Variants in NRG3 observed in about 807,000 individuals in gnomAD.
The protein encoded by NRG3 is neuregulin 3.
A neutral mutation model predicts 66.9 loss-of-function variants in NRG3; 31 were observed. The ratio of observed to expected loss-of-function variants is 0.46; its 90% confidence interval spans 0.35 to 0.63. NRG3 has a LOEUF of 0.63. Ranked by LOEUF, NRG3 falls within the 20% of genes least tolerant of loss-of-function variation. NRG3 has a pLI of 0.00. For missense variants in NRG3, 910 were observed against 878.9 expected (o/e 1.04, Z -0.45); for synonymous variants, 393 against 359.4 (o/e 1.09, Z -1.06).
chr10:82,927,698 A>G (rs1847148207), intron 4 of NRG3, among the ~76,000 whole-genome samples: 1 of 152,338 alleles, frequency 6.6e-6, no homozygotes, highest in African/African-American at 2.4e-5. Context: ...GCTGCATAGT[A>G]TTCCACAGTG....
At chr10:82,701,079 T>G (rs2055837634) in intron 2 of NRG3, among the ~76,000 whole-genome samples, 1 of 151,934 alleles carries the variant, frequency 6.6e-6, no homozygotes, top group Admixed American at 6.6e-5. Flanking sequence ...TGAAGATATT[T>G]TATAAAGTCT....
At chr10:82,664,842 A>T (rs17100447) in intron 2 of NRG3, among the ~76,000 whole-genome samples, 9,702 of 152,164 alleles carry the variant, frequency 0.064, 1,000 homozygotes, top group African/African-American at 0.22. Context: ...GAGGCCAGAA[A>T]TCAGTGACAA....
intron 1 of NRG3, among the ~76,000 whole-genome samples, chr10:82,344,206 C>A (rs999214900): frequency 6.7e-6 from 1 of 148,910 alleles, no homozygotes; most frequent in East Asian, 2.0e-4. Context: ...AATGCTATCC[C>A]TCCCCGCTCC....
intron 1 of NRG3, among the ~76,000 whole-genome samples, chr10:82,149,050 T>TTTTTTG (rs201152922): frequency 8.6e-6 from 1 of 115,886 alleles, no homozygotes; most frequent in African/African-American, 3.6e-5. Flanking sequence ...ACATTCCTGT[T>TTTTTTG]TTTTTGTTTT....
chr10:82,642,316 T>G (rs2050638499), intron 2 of NRG3, among the ~76,000 whole-genome samples: 1 of 151,962 alleles, frequency 6.6e-6, no homozygotes, highest in Non-Finnish European at 1.5e-5. Context: ...GAGAAAGAAC[T>G]GTCAGAATTA....
chr10:82,807,426 G>A (rs1274273676), intron 3 of NRG3, among the ~76,000 whole-genome samples: 6 of 152,106 alleles, frequency 3.9e-5, no homozygotes, highest in Admixed American at 6.5e-5. Flanking sequence ...ACCTTGCAAC[G>A]GGGTGTGTGG....
intron 1 of NRG3, among the ~76,000 whole-genome samples, chr10:82,333,546 T>G (rs1444694784): frequency 2.6e-5 from 4 of 152,202 alleles, no homozygotes; most frequent in Non-Finnish European, 5.9e-5. Flanking sequence ...TCTATAGACA[T>G]TTTTCCTTGT....
In NRG3 at chr10:82,715,243, A is replaced by G. The variant is rs1201674397; in HGVS notation, c.954-23334A>G. ...AACCCCATCGCTACCAAAAAATACA[A>G]AACAATTAGCCAGCTGTGATGGCAC... On this transcript the variant is annotated intron_variant, in intron 2 of 8. Coordinates refer to ENST00000372141, the MANE Select transcript of NRG3 (RefSeq NM_001010848.4). Among the ~76,000 whole-genome samples, 3 of 152,140 alleles carry G rather than the reference A, an allele frequency of 2.0e-5. No homozygotes were observed. In the East Asian group the frequency reaches 5.8e-4, roughly 29 times the overall value.
chr10:81,883,713 A>G (rs1842379234), intron 1 of NRG3, among the ~76,000 whole-genome samples: 1 of 152,176 alleles, frequency 6.6e-6, no homozygotes, highest in Non-Finnish European at 1.5e-5. Flanking sequence ...CTCCTCAGAT[A>G]CCTTCCTATG....
chr10:82,987,030 C>T lies in NRG3; in HGVS notation c.*1425C>T, dbSNP rs1853477286. 1 of 152,148 alleles carries T rather than the reference C, an allele frequency of 6.6e-6. No individual in the cohort carries two copies. The highest frequency in any genetic ancestry group is 6.5e-5 in the Admixed American group (1 of 15,272). 9.4% of individuals were successfully genotyped at this position (152,148 alleles called of 1,614,324 possible). On this transcript the variant is annotated 3_prime_UTR_variant, in exon 9 of 9. Coordinates refer to ENST00000372141, the MANE Select transcript of NRG3 (RefSeq NM_001010848.4). Reference sequence around the variant, plus strand: ...ACTGCTAAGGTGAACTGAAACCTCTCCTGAAGATTTGTCTGTTTATTTACC... The same window carrying T: ...ACTGCTAAGGTGAACTGAAACCTCTTCTGAAGATTTGTCTGTTTATTTACC...
chr10:82,973,650 A>G (rs1425317045), intron 6 of NRG3, 138 bp from the exon 7 acceptor site: 9 of 845,268 alleles, frequency 1.1e-5, no homozygotes, highest in Non-Finnish European at 1.7e-5. Context: ...GACACAAATT[A>G]TGTCTTATCT....
At chr10:82,687,554 T>C (rs1425203189) in intron 2 of NRG3, among the ~76,000 whole-genome samples, 1 of 152,076 alleles carries the variant, frequency 6.6e-6, no homozygotes, top group Non-Finnish European at 1.5e-5. Flanking sequence ...AGGAGAGAAA[T>C]TGGACTAAAT....
intron 2 of NRG3, among the ~76,000 whole-genome samples, chr10:82,499,648 G>A (rs752050781): frequency 1.3e-5 from 2 of 152,072 alleles, no homozygotes; most frequent in Non-Finnish European, 2.9e-5. Flanking sequence ...TGTTGCTACT[G>A]TTTCTTACAT....
intron 3 of NRG3, among the ~76,000 whole-genome samples, chr10:82,791,846 T>G (rs970398802): frequency 1.3e-5 from 2 of 152,212 alleles, no homozygotes; most frequent in Non-Finnish European, 2.9e-5. Context: ...TGAATGAGCT[T>G]TAAGTCAGGT....
intron 1 of NRG3, among the ~76,000 whole-genome samples, chr10:82,091,640 C>G (rs538191914): frequency 6.6e-6 from 1 of 152,020 alleles, no homozygotes. Context: ...AACAGATATT[C>G]GAGTCTCTGA....
chr10:82,438,102 G>A (rs895458519), intron 2 of NRG3, among the ~76,000 whole-genome samples: 1 of 152,132 alleles, frequency 6.6e-6, no homozygotes, highest in Non-Finnish European at 1.5e-5. Context: ...TCACTGGGGG[G>A]AAACCCACTC....
intron 1 of NRG3, among the ~76,000 whole-genome samples, chr10:82,313,993 G>A (rs2081171300): frequency 6.6e-6 from 1 of 152,080 alleles, no homozygotes; most frequent in Admixed American, 6.6e-5. Flanking sequence ...TGAAATATGA[G>A]CTCTGCTACT....
chr10:82,132,481 T>TATATATATATCATATATATATATC (rs1379496349), intron 1 of NRG3, among the ~76,000 whole-genome samples: 5 of 7,322 alleles, frequency 6.8e-4, no homozygotes, highest in Non-Finnish European at 1.1e-3. Context: ...ATATATATGA[T>TATATATATATCATATATATATATC]ATATATATAT....
At chr10:82,944,683 C>T (rs4933860) in intron 4 of NRG3, among the ~76,000 whole-genome samples, 134,169 of 152,244 alleles carry the variant, frequency 0.88, 59,242 homozygotes, top group Middle Eastern at 0.94. Context: ...GAAATGTAGA[C>T]AATGTGATAT....
Sources: gnomAD v4.1 joint callset for allele counts (sites outside exome capture counted in the v4.1 genomes callset) on GRCh38, gnomAD v4.1.1 for gene constraint, MANE v1.5 for transcripts, NCBI Gene and HGNC (gene_info 2026-07-23, HGNC 2026-07-21) for gene names.